Variants in CBS observed in about 807,000 individuals in gnomAD.
The protein encoded by CBS is cystathionine beta-synthase.
For synonymous variants in CBS, 23 were observed against 52.2 expected (o/e 0.44, Z 2.41); for missense variants, 27 against 124.8 (o/e 0.22, Z 3.73).
intron 15 of CBS, among the ~76,000 whole-genome samples, chr21:43,057,366 G>A (rs2146331957): frequency 8.2e-6 from 1 of 122,444 alleles, no homozygotes; most frequent in East Asian, 2.1e-4. Context: ...CAGCCTCTGA[G>A]CGCGAATGAC....
intron 16 of CBS, chr21:43,055,901 T>TC (rs1981111116): frequency 2.2e-5 from 1 of 44,988 alleles, no homozygotes; most frequent in East Asian, 7.4e-4. Flanking sequence ...TTTTTTTTTT[T>TC]CTGAGATGTT....
At chr21:43,060,071 CG>C (rs1568925438) in intron 12 of CBS, among the ~76,000 whole-genome samples, 1 of 137,684 alleles carries the variant, frequency 7.3e-6, no homozygotes, top group African/African-American at 2.6e-5. Context: ...GCACAGGGCC[CG>C]GCCCAAGAGG....
chr21:43,066,857 C>T lies in CBS; in HGVS notation c.317-480G>A, dbSNP rs532629910. ...TACAGCCTCCCATTGTCCTCCTCCC[C>T]CTGTGGGGCGTCACCTGCCCGGGGA... On this transcript the variant is annotated intron_variant, in intron 4 of 16. Coordinates refer to ENST00000398165, the MANE Select transcript of CBS (RefSeq NM_000071.3). Among the ~76,000 whole-genome samples the T allele has an allele frequency of 1.7e-5, 2 of 114,480 alleles. 1 individual carries two copies. The highest frequency in any genetic ancestry group is 3.5e-5 in the Non-Finnish European group (2 of 56,592). The allele number at this position is 114,480 out of a possible 152,430, so 75.1% of individuals were successfully genotyped here.
At position 43,075,756 on chromosome 21, in the gene CBS, G is replaced by GT. The variant is rs1335501182; in HGVS notation, c.-85+13_-85+14insA. ...CCAGAGAGGGGAGCGAGTCTCGGTG[G>GT]GGCCGGATCTCACCTGGACGGATAC... On this transcript the variant is annotated intron_variant, in intron 1 of 16. Coordinates refer to ENST00000398165, the MANE Select transcript of CBS (RefSeq NM_000071.3). The GT allele has an allele frequency of 3.2e-3, 1 of 316 alleles. No homozygotes were observed. The highest frequency in any genetic ancestry group is 6.0e-3 in the Admixed American group (1 of 168). The allele number at this position is 316 out of a possible 1,614,324, so 0.0% of individuals were successfully genotyped here. A position where few individuals can be genotyped will look rare whatever the true frequency, so the allele number is the denominator to read the frequency against.
chr21:43,066,670 G>GT (rs1227818427), intron 4 of CBS, among the ~76,000 whole-genome samples: 1 of 73,168 alleles, frequency 1.4e-5, no homozygotes, highest in Non-Finnish European at 2.6e-5. Context: ...AGAAAACCCC[G>GT]TCCCCCCACC....
Position 43,066,101 on chromosome 21 carries a change from C to T in CBS, c.451+142G>A, listed in dbSNP as rs2298760. 0.082 allele frequency: 44,791 copies of T among 546,778 alleles called. 6,668 individuals carry two copies. Among genetic ancestry groups the T allele is most frequent in the Non-Finnish European group, 0.1 (30,915 of 301,416 alleles). 33.9% of individuals were successfully genotyped at this position (546,778 alleles called of 1,614,324 possible). The stretch of plus-strand genomic sequence containing the variant: ...GCTAGGTTGGGACACAGGCCGGCAG[C>T]GGGTGCAAGATGCCAGGGAGCAGGC... On this transcript the variant is annotated intron_variant, in intron 5 of 16. Coordinates refer to ENST00000398165, the MANE Select transcript of CBS (RefSeq NM_000071.3).
intron 4 of CBS, among the ~76,000 whole-genome samples, chr21:43,066,819 C>CTCCCTACA: frequency 9.6e-6 from 1 of 104,280 alleles, no homozygotes; most frequent in East Asian, 2.0e-4. Context: ...GATGGGGACT[C>CTCCCTACA]GCATACTCTC....
chr21:43,066,104 G>T, intron 5 of CBS, 139 bp downstream of exon 5: 1 of 580,848 alleles, frequency 1.7e-6, no homozygotes, highest in Non-Finnish European at 3.1e-6. Context: ...CCGGCAGCGG[G>T]TGCAAGATGC....
intron 4 of CBS, among the ~76,000 whole-genome samples, chr21:43,067,092 TAGA>T (rs1176587772): frequency 2.6e-5 from 3 of 113,630 alleles, no homozygotes; most frequent in African/African-American, 1.1e-4. Flanking sequence ...GTGTTGCCCC[TAGA>T]ACCAGGACGA....
intron 4 of CBS, chr21:43,068,283 C>T: frequency 2.4e-6 from 1 of 425,482 alleles, no homozygotes; most frequent in Non-Finnish European, 4.5e-6. Flanking sequence ...TGTTCGTTCC[C>T]TGGTCCATCT....
At chr21:43,076,795 G>C (rs1983741806), upstream of CBS, 1 of 132,778 alleles carries the variant, frequency 7.5e-6, no homozygotes, top group East Asian at 2.3e-4. Flanking sequence ...AACGTGCTGC[G>C]CCTCCGCAGC....
intron 15 of CBS, among the ~76,000 whole-genome samples, chr21:43,057,278 TG>T (rs1981310480): frequency 7.6e-6 from 1 of 131,514 alleles, no homozygotes. Context: ...TAGCTCTTGT[TG>T]GATAACCAAG....
At position 43,066,896 on chromosome 21, in the gene CBS, C is replaced by T. The variant is rs879352175; in HGVS notation, c.317-519G>A. 6.1e-5 allele frequency among the ~76,000 whole-genome samples: 8 copies of T among 131,188 alleles called. 1 individual carries two copies. Among genetic ancestry groups the T allele is most frequent in the Non-Finnish European group, 1.2e-4 (7 of 60,222 alleles). The allele number at this position is 131,188 out of a possible 152,430, so 86.1% of individuals were successfully genotyped here. A position where few individuals can be genotyped will look rare whatever the true frequency, so the allele number is the denominator to read the frequency against. On this transcript the variant is annotated intron_variant, in intron 4 of 16. Coordinates refer to ENST00000398165, the MANE Select transcript of CBS (RefSeq NM_000071.3). ...CCTGCCCGGGGAAGGGCTCCCTGCG[C>T]GGTTCCCGCACAAGGCCAAGGCCTT...
chr21:43,055,413 C>G (rs1981002185), intron 16 of CBS: 1 of 6,412 alleles, frequency 1.6e-4, no homozygotes, highest in East Asian at 1.6e-3. Flanking sequence ...TGCGTCTCCA[C>G]AGGACCCTAC....
intron 4 of CBS, among the ~76,000 whole-genome samples, chr21:43,066,819 C>T (rs1254093333): frequency 1.9e-5 from 2 of 104,240 alleles, no homozygotes; most frequent in Non-Finnish European, 3.7e-5. Flanking sequence ...GATGGGGACT[C>T]GCATACTCTC....
chr21:43,066,185 G>A lies in CBS; in HGVS notation c.451+58C>T. 4 of 1,323,236 alleles carry A rather than the reference G, an allele frequency of 3.0e-6. No individual in the cohort carries two copies. In the South Asian group the frequency reaches 4.9e-5, roughly 16 times the overall value. The allele number at this position is 1,323,236 out of a possible 1,614,324, so 82.0% of individuals were successfully genotyped here. On this transcript the variant is annotated intron_variant, in intron 5 of 16. Coordinates refer to ENST00000398165, the MANE Select transcript of CBS (RefSeq NM_000071.3). Reference sequence around the variant, plus strand: ...AGCCATCCCCCCCGGGTCCCGGCAGGCTCGGCATGGGTAGGGGACAGCCAG... The same window carrying A: ...AGCCATCCCCCCCGGGTCCCGGCAGACTCGGCATGGGTAGGGGACAGCCAG...
chr21:43,066,167 C>T, intron 5 of CBS, 76 bp downstream of exon 5: 2 of 1,246,154 alleles, frequency 1.6e-6, no homozygotes, highest in South Asian at 2.5e-5. Context: ...CTCAGCCATC[C>T]CCCCCGGGTC....
chr21:43,076,863 CCG>C (rs1340680891), upstream of CBS: 2 of 134,314 alleles, frequency 1.5e-5, 1 homozygote, highest in Non-Finnish European at 3.4e-5. Flanking sequence ...CGCAGCTCCG[CCG>C]CGGTCTCTGC....
In CBS at chr21:43,066,907, C is replaced by G. The variant is rs1343537711; in HGVS notation, c.317-530G>C. Among the ~76,000 whole-genome samples the G allele has an allele frequency of 3.0e-5, 4 of 133,602 alleles. 1 individual carries two copies. Among genetic ancestry groups the G allele is most frequent in the Non-Finnish European group, 6.6e-5 (4 of 60,808 alleles). The allele number at this position is 133,602 out of a possible 152,430, so 87.6% of individuals were successfully genotyped here. The stretch of plus-strand genomic sequence containing the variant: ...AAGGGCTCCCTGCGCGGTTCCCGCA[C>G]AAGGCCAAGGCCTTCACTTGCACTT... On this transcript the variant is annotated intron_variant, in intron 4 of 16. Transcript: ENST00000398165.
Sources: gnomAD v4.1 joint callset for allele counts (sites outside exome capture counted in the v4.1 genomes callset) on GRCh38, gnomAD v4.1.1 for gene constraint, MANE v1.5 for transcripts, NCBI Gene and HGNC (gene_info 2026-07-23, HGNC 2026-07-21) for gene names.